Variants in CASP6 observed in about 807,000 individuals in gnomAD.
CASP6 encodes the protein caspase 6.
In CASP6, 20 loss-of-function variants were observed where a neutral mutation model predicts 31.8. The observed-to-expected ratio is 0.63, with a 90% confidence interval of 0.44 to 0.91. CASP6 has a LOEUF of 0.91. Among genes scored for constraint, CASP6 ranks in the 40% least tolerant of loss-of-function variants. CASP6 has a pLI of 0.00. For missense variants in CASP6, 328 were observed against 361.1 expected (o/e 0.91, Z 0.74); for synonymous variants, 130 against 127.8 (o/e 1.02, Z -0.12).
chr4:109,698,195 C>CA (rs1730310674), intron 2 of CASP6, 105 bp downstream of exon 2: 1 of 1,236,290 alleles, frequency 8.1e-7, no homozygotes, highest in East Asian at 2.4e-5. Flanking sequence ...TTGGCCTACT[C>CA]AGTTTTACTT....
chr4:109,680,993 AGAG>A, the CASP6 span, among the ~76,000 whole-genome samples: 1 of 152,216 alleles, frequency 6.6e-6, no homozygotes, highest in Non-Finnish European at 1.5e-5. Flanking sequence ...TCTATAATCA[AGAG>A]AACTTTATAT....
chr4:109,696,680 G>A (rs1730250196), intron 3 of CASP6, among the ~76,000 whole-genome samples, 194 bp from the exon 4 acceptor site: 2 of 151,790 alleles, frequency 1.3e-5, no homozygotes, highest in Admixed American at 6.6e-5. Flanking sequence ...AATGACAGCC[G>A]ATTCAATTTA....
the CASP6 span, among the ~76,000 whole-genome samples, chr4:109,667,158 A>G: frequency 6.6e-6 from 1 of 152,122 alleles, no homozygotes; most frequent in Admixed American, 6.6e-5. Context: ...ATTGTAGATA[A>G]TTAATATAGT....
chr4:109,700,896 C>T (rs556150586), intron 1 of CASP6, among the ~76,000 whole-genome samples: 1 of 152,288 alleles, frequency 6.6e-6, no homozygotes, highest in South Asian at 2.1e-4. Flanking sequence ...GCTGTGTATC[C>T]CAAGAAGACA....
chr4:109,706,170 T>TATATATATATATAC (rs1452145399), upstream of CASP6, among the ~76,000 whole-genome samples: 4 of 89,040 alleles, frequency 4.5e-5, no homozygotes, highest in African/African-American at 6.5e-5. Flanking sequence ...TATATATATA[T>TATATATATATATAC]ACACACACAC....
the CASP6 span, among the ~76,000 whole-genome samples, chr4:109,667,147 G>A: frequency 7.4e-3 from 1,132 of 152,242 alleles, 27 homozygotes; most frequent in South Asian, 0.059. Context: ...TTCTGAAAGA[G>A]ATTGTAGATA....
chr4:109,685,357 A>C (rs1276990040), downstream of CASP6: 1 of 1,472,330 alleles, frequency 6.8e-7, no homozygotes, highest in Non-Finnish European at 9.5e-7. Flanking sequence ...TTAAAAGAAG[A>C]CCTTGCTAAG....
chr4:109,687,603 T>G (rs768311584), downstream of CASP6: 5 of 1,567,804 alleles, frequency 3.2e-6, no homozygotes, highest in Admixed American at 1.7e-5. Context: ...TCTTACAGTT[T>G]TAAATGTCGT....
chr4:109,684,208 G>A (rs1369696130), downstream of CASP6, among the ~76,000 whole-genome samples: 4 of 151,762 alleles, frequency 2.6e-5, no homozygotes, highest in Admixed American at 1.3e-4. Flanking sequence ...GACTACAGGC[G>A]CCTGCCACCA....
At chr4:109,686,961 A>AG (rs1729857175), downstream of CASP6, among the ~76,000 whole-genome samples, 1 of 150,942 alleles carries the variant, frequency 6.6e-6, no homozygotes, top group African/African-American at 2.5e-5. Flanking sequence ...TGGTAGGTTA[A>AG]GGGTTTTTTT....
chr4:109,690,872 G>A lies in CASP6; in HGVS notation c.621C>T (p.Leu207=). ...VYTLPAGADF[L]MCYSVAEGYY... ...CACCTTCTGCAACAGAGTAACACAT[G>A]AGGAAGTCAGCTCCAGCAGGCAGCG... The change falls in exon 6 of 7, where the codon CTC becomes CTT. Residue 207 remains leucine, a synonymous_variant. Transcript: ENST00000265164. The A allele has an allele frequency of 6.2e-7, 1 of 1,612,182 alleles. No homozygotes were observed. The highest frequency in any genetic ancestry group is 8.5e-7 in the Non-Finnish European group (1 of 1,179,222).
chr4:109,706,032 A>ATATATATATATATAT (rs1419095475), upstream of CASP6, among the ~76,000 whole-genome samples: 2 of 93,832 alleles, frequency 2.1e-5, no homozygotes, highest in African/African-American at 4.9e-5. Flanking sequence ...ATATATATAT[A>ATATATATATATATAT]ATATATATAA....
chr4:109,698,219 A>T, intron 2 of CASP6, 81 bp downstream of exon 2: 1 of 1,442,160 alleles, frequency 6.9e-7, no homozygotes, highest in Non-Finnish European at 9.5e-7. Flanking sequence ...AGCTCCCAGG[A>T]CCCATTCTTG....
At chr4:109,693,448 G>A (rs1000196462) in intron 5 of CASP6, among the ~76,000 whole-genome samples, 33 of 152,290 alleles carry the variant, frequency 2.2e-4, no homozygotes, top group African/African-American at 7.7e-4. Context: ...AACACTCTGG[G>A]AGGCCAAGGC....
upstream of CASP6, among the ~76,000 whole-genome samples, chr4:109,705,795 C>A (rs1579117659): frequency 6.7e-6 from 1 of 149,304 alleles, no homozygotes; most frequent in East Asian, 2.0e-4. Flanking sequence ...GGCAACAATG[C>A]AAGACCCTGT....
chr4:109,664,499 A>G, the CASP6 span: 1 of 577,590 alleles, frequency 1.7e-6, no homozygotes, highest in Non-Finnish European at 3.1e-6. Context: ...GTCATAGCTC[A>G]CTGTAATCTC....
chr4:109,698,330 T>G lies in CASP6; in HGVS notation c.53A>C (p.Asn18Thr). ...ATAGAAGGCATCTGTTTCTGTCATG[T>G]TTTCTTCCCCACCTATTAAAAAAAG... Reference protein sequence around the residue: ...RRGHPAGGEENMTETDAFYKR... With the variant: ...RRGHPAGGEETMTETDAFYKR... Residue 18 changes from asparagine (N) to threonine (T), a missense_variant, in exon 2 of 7, where the codon AAC becomes ACC. Coordinates refer to ENST00000265164, the MANE Select transcript of CASP6 (RefSeq NM_001226.4). 1 of 1,611,518 alleles carries G rather than the reference T, an allele frequency of 6.2e-7. No individual in the cohort carries two copies.
chr4:109,666,179 T>A, the CASP6 span, among the ~76,000 whole-genome samples: 4 of 152,234 alleles, frequency 2.6e-5, no homozygotes, highest in East Asian at 5.8e-4. Flanking sequence ...ATTATCTGTA[T>A]GTACCACAGT....
the CASP6 span, among the ~76,000 whole-genome samples, chr4:109,677,112 A>G: frequency 6.6e-6 from 1 of 152,262 alleles, no homozygotes; most frequent in Non-Finnish European, 1.5e-5. Flanking sequence ...ACAAGGTGGC[A>G]TATGAATTCA....
Sources: allele counts gnomAD v4.1 joint callset (sites outside exome capture counted in the v4.1 genomes callset), GRCh38; gene constraint gnomAD v4.1.1; transcripts MANE v1.5; gene names NCBI Gene and HGNC (gene_info 2026-07-23, HGNC 2026-07-21).